Variants in ZNF658 observed in about 807,000 individuals in gnomAD.
The protein encoded by ZNF658 is zinc finger protein 658.
A neutral mutation model predicts 78.0 loss-of-function variants in ZNF658; 46 were observed. The ratio of observed to expected loss-of-function variants is 0.59; its 90% confidence interval spans 0.47 to 0.75. ZNF658 has a LOEUF of 0.75. ZNF658 is among the 30% of genes least tolerant of loss of function. The pLI, the probability that ZNF658 is intolerant of heterozygous loss-of-function variation, is 0.00. For synonymous variants in ZNF658, 279 were observed against 408.4 expected (o/e 0.68, Z 3.82); for missense variants, 785 against 1,189.3 (o/e 0.66, Z 5.00).
rs267602252 is a variant in ZNF658 at position 66,917,973 on chromosome 9, C to A, written c.407C>A (p.Ser136Tyr). Reference sequence around the variant, plus strand: ...GCTCCAGAGCTTTCAGAAAAAATATCCTGTAAATGTGACTCACACAGAATG... The same window carrying A: ...GCTCCAGAGCTTTCAGAAAAAATATACTGTAAATGTGACTCACACAGAATG... Reference protein sequence around the residue: ...EIAPELSEKISCKCDSHRMNL... With the variant: ...EIAPELSEKIYCKCDSHRMNL... Residue 136 changes from serine (S) to tyrosine (Y), a missense_variant, in exon 5 of 5, where the codon TCC becomes TAC. Coordinates refer to ENST00000621410, the MANE Select transcript of ZNF658 (RefSeq NM_033160.7). 6.2e-7 allele frequency: 1 copy of A among 1,604,190 alleles called. No homozygotes were observed. Among genetic ancestry groups the A allele is most frequent in the South Asian group, 1.1e-5 (1 of 88,792 alleles).
At position 66,918,643 on chromosome 9, in the gene ZNF658, A is replaced by G. The variant is rs1366958428; in HGVS notation, c.1077A>G (p.Thr359=). 1.2e-6 allele frequency: 2 copies of G among 1,613,462 alleles called. No individual in the cohort carries two copies. Among genetic ancestry groups the G allele is most frequent in the African/African-American group, 2.7e-5 (2 of 74,860 alleles). ...AATTTGGTGAACATAATGAATGTACAGATGCCCTCTACCAGAAATTAGACT... is the reference window on the plus strand; with the variant it reads ...AATTTGGTGAACATAATGAATGTACGGATGCCCTCTACCAGAAATTAGACT... The part of the protein sequence containing the change: ...GDKFGEHNEC[T]DALYQKLDFT... The change falls in exon 5 of 5, where the codon ACA becomes ACG. Residue 359 remains threonine, a synonymous_variant. Coordinates refer to ENST00000621410, the MANE Select transcript of ZNF658 (RefSeq NM_033160.7).
In ZNF658 at chr9:66,918,176, C is replaced by A. The variant is rs1350880512; in HGVS notation, c.610C>A (p.Gln204Lys). 27 of 1,607,682 alleles carry A rather than the reference C, an allele frequency of 1.7e-5. No homozygotes were observed. Among genetic ancestry groups the A allele is most frequent in the African/African-American group, 2.7e-5 (2 of 74,336 alleles). Residue 204 changes from glutamine to lysine, a missense_variant, in exon 5 of 5, where the codon CAG becomes AAG. This residue lies in a region of ZNF658 where 393 missense variants were observed against 400.2 expected (regional missense o/e 0.98). Coordinates refer to ENST00000621410, the MANE Select transcript of ZNF658 (RefSeq NM_033160.7). ...NAKAFSYKKD[Q>K]HWKFQTLEES... ...TAAAGCTTTCAGTTATAAGAAAGATCAGCATTGGAAATTTCAAACTTTGGA... is the reference window on the plus strand; with the variant it reads ...TAAAGCTTTCAGTTATAAGAAAGATAAGCATTGGAAATTTCAAACTTTGGA...
chr9:66,910,029 T>G (rs890778502), intron 4 of ZNF658, among the ~76,000 whole-genome samples: 9 of 152,148 alleles, frequency 5.9e-5, no homozygotes, highest in African/African-American at 1.7e-4. Context: ...TACTCTGGTG[T>G]TTCTTCCGCT....
At chr9:66,908,462 G>T in intron 3 of ZNF658, 98 bp downstream of exon 3, 2 of 1,560,352 alleles carry the variant, frequency 1.3e-6, no homozygotes, top group East Asian at 2.2e-5. Context: ...AAGGGCTTTG[G>T]ATTAAAAGGT....
At chr9:66,908,792 C>T (rs1822144805) in intron 4 of ZNF658, 58 bp downstream of exon 4, 7 of 1,496,872 alleles carry the variant, frequency 4.7e-6, no homozygotes, top group East Asian at 2.3e-5. Flanking sequence ...AGAGGGAGAG[C>T]ACCTTTGAAA....
At chr9:66,931,600 C>T (rs1467188988) in intron 6 of ZNF658, among the ~76,000 whole-genome samples, 11 of 148,272 alleles carry the variant, frequency 7.4e-5, no homozygotes, top group East Asian at 6.0e-4. Context: ...GGGACCTTTG[C>T]GTACCTTTTT....
Position 66,918,476 on chromosome 9 carries a change from A to G in ZNF658, c.910A>G (p.Ile304Val), listed in dbSNP as rs780095734. 1 of 1,607,826 alleles carries G rather than the reference A, an allele frequency of 6.2e-7. No homozygotes were observed. Among genetic ancestry groups the G allele is most frequent in the South Asian group, 1.1e-5 (1 of 90,826 alleles). ...MTHYECNERG[I>V]NFSRKSPLTQ... ...ACACTATGAGTGTAATGAAAGGGGG[A>G]TTAATTTCAGTAGGAAGTCACCCCT... is the stretch of plus-strand genomic sequence containing the variant. Residue 304 changes from isoleucine (I) to valine (V), a missense_variant, in exon 5 of 5, where the codon ATT becomes GTT. Ile to Val is a conservative substitution (Grantham distance 29). This residue lies in a region of ZNF658 where 393 missense variants were observed against 400.2 expected (regional missense o/e 0.98). Transcript: ENST00000621410.
chr9:66,918,946 A>T lies in ZNF658; in HGVS notation c.1380A>T (p.Arg460Ser). 1 of 1,482,888 alleles carries T rather than the reference A, an allele frequency of 6.7e-7. No individual in the cohort carries two copies. 91.9% of individuals were successfully genotyped at this position (1,482,888 alleles called of 1,614,324 possible). A position where few individuals can be genotyped will look rare whatever the true frequency, so the allele number is the denominator to read the frequency against. Residue 460 changes from arginine to serine, a missense_variant, in exon 5 of 5, where the codon AGA (arginine) becomes AGT (serine). Arg to Ser is a moderately radical substitution (Grantham distance 110). Coordinates refer to ENST00000621410, the MANE Select transcript of ZNF658 (RefSeq NM_033160.7). ...CQNSNLSKHL[R>S]IHTKEKPCDN... ...ATTCAAACCTCAGTAAACATCTGAGAATTCACACAAAAGAGAAACCTTGTG... is the reference window on the plus strand; with the variant it reads ...ATTCAAACCTCAGTAAACATCTGAGTATTCACACAAAAGAGAAACCTTGTG...
Position 66,919,679 on chromosome 9 carries a change from C to T in ZNF658, c.2113C>T (p.Gln705Ter). The change falls in exon 5 of 5, where the codon CAG becomes TAG. Residue 705 changes from glutamine (Q) to a stop codon, truncating the protein, a stop_gained. Transcript: ENST00000621410. LOFTEE classifies it high-confidence loss of function. ...FAHNSALKIH[Q>*]RIHTGEKPYE... Reference sequence around the variant, plus strand: ...CCATAATTCAGCCCTCAAAATACATCAGAGAATTCACACGGGGGAGAAACC... The same window carrying T: ...CCATAATTCAGCCCTCAAAATACATTAGAGAATTCACACGGGGGAGAAACC... The T allele has an allele frequency of 1.9e-6, 3 of 1,612,700 alleles. No homozygotes were observed. The highest frequency in any genetic ancestry group is 2.5e-6 in the Non-Finnish European group (3 of 1,179,866).
chr9:66,907,263 C>T (rs1822100871), intron 2 of ZNF658, among the ~76,000 whole-genome samples: 1 of 152,126 alleles, frequency 6.6e-6, no homozygotes, highest in South Asian at 2.1e-4. Flanking sequence ...GCTCTAAAAT[C>T]ATATGTATCC....
chr9:66,903,061 A>G (rs2117935100), intron 1 of ZNF658: 1 of 162,052 alleles, frequency 6.2e-6, no homozygotes, highest in Non-Finnish European at 1.4e-5. Context: ...AATGAAGGTA[A>G]ACAGCTTCAT....
intron 4 of ZNF658, among the ~76,000 whole-genome samples, chr9:66,910,690 G>T (rs1822194554): frequency 6.6e-6 from 1 of 151,796 alleles, no homozygotes; most frequent in Non-Finnish European, 1.5e-5. Flanking sequence ...CAGCTACTTG[G>T]GAGGCTGAGG....
At position 66,920,970 on chromosome 9, in the gene ZNF658, C is replaced by G. The variant is rs1822513113; in HGVS notation, c.*224C>G. 2 of 600,908 alleles carry G rather than the reference C, an allele frequency of 3.3e-6. No individual in the cohort carries two copies. Among genetic ancestry groups the G allele is most frequent in the South Asian group, 2.1e-5 (1 of 47,734 alleles). The allele number at this position is 600,908 out of a possible 1,614,324, so 37.2% of individuals were successfully genotyped here. ...AAAAAAAAAGAAAAACCCTCACAGT[C>G]TTCCTGGTTCATAAGATGGATTTGG... is the stretch of plus-strand genomic sequence containing the variant. On this transcript the variant is annotated 3_prime_UTR_variant, in exon 5 of 5. Coordinates refer to ENST00000621410, the MANE Select transcript of ZNF658 (RefSeq NM_033160.7).
downstream of ZNF658, among the ~76,000 whole-genome samples, chr9:66,925,280 C>T (rs947168349): frequency 1.1e-4 from 17 of 150,948 alleles, no homozygotes; most frequent in African/African-American, 3.9e-4. Context: ...TAAATTACAG[C>T]ATTATGTAAA....
chr9:66,911,623 G>C (rs1430139434), intron 4 of ZNF658, among the ~76,000 whole-genome samples: 1 of 30,618 alleles, frequency 3.3e-5, no homozygotes, highest in African/African-American at 3.2e-4. Flanking sequence ...TTAAACTTCA[G>C]CTAACCCTAT....
At position 66,920,796 on chromosome 9, in the gene ZNF658, A is replaced by T. The variant is rs1822507573; in HGVS notation, c.*50A>T. 1.5e-6 allele frequency: 1 copy of T among 649,584 alleles called. No individual in the cohort carries two copies. The highest frequency in any genetic ancestry group is 2.6e-5 in the East Asian group (1 of 38,164). The allele number at this position is 649,584 out of a possible 1,614,324, so 40.2% of individuals were successfully genotyped here. On this transcript the variant is annotated 3_prime_UTR_variant, in exon 5 of 5. Coordinates refer to ENST00000621410, the MANE Select transcript of ZNF658 (RefSeq NM_033160.7). ...CACGTAGTGCAGAAACTCATGTGAC[A>T]TAGGCTGGGAACTTGTTTCCCTTAT...
At chr9:66,901,838 G>A (rs950688370) in intron 1 of ZNF658, among the ~76,000 whole-genome samples, 3 of 151,896 alleles carry the variant, frequency 2.0e-5, no homozygotes, top group Non-Finnish European at 1.5e-5. Flanking sequence ...CAGCTACTTG[G>A]GAGGCTGAGG....
chr9:66,910,770 T>C (rs1202914801), intron 4 of ZNF658, among the ~76,000 whole-genome samples: 1 of 144,730 alleles, frequency 6.9e-6, no homozygotes, highest in Non-Finnish European at 1.5e-5. Context: ...CACTCCGGCC[T>C]GGGCAAAAGA....
chr9:66,918,848 A>T lies in ZNF658; in HGVS notation c.1282A>T (p.Ile428Phe), dbSNP rs758960668. ...AKSFCSSSHPIQHPGTYVGFK... is the reference protein window; with the variant it reads ...AKSFCSSSHPFQHPGTYVGFK... ...ATCCTTTTGTTCAAGTTCACATCCT[A>T]TTCAGCATCCTGGAACTTATGTGGG... is the stretch of plus-strand genomic sequence containing the variant. Residue 428 changes from isoleucine (I) to phenylalanine (F), a missense_variant, in exon 5 of 5, where the codon ATT (isoleucine) becomes TTT (phenylalanine). Coordinates refer to ENST00000621410, the MANE Select transcript of ZNF658 (RefSeq NM_033160.7). 6.2e-6 allele frequency: 10 copies of T among 1,606,490 alleles called. No homozygotes were observed. The Admixed American group carries it at 1.5e-4, about 24-fold the overall frequency.
Sources: allele counts gnomAD v4.1 joint callset (sites outside exome capture counted in the v4.1 genomes callset), GRCh38; gene constraint gnomAD v4.1.1; regional missense constraint gnomAD v4.1.1; transcripts MANE v1.5; gene names NCBI Gene and HGNC (gene_info 2026-07-23, HGNC 2026-07-21).